The following EHMT1 variants were observed in gnomAD, a reference collection of about 807,000 sequenced individuals.
EHMT1 encodes the protein histone-lysine N-methyltransferase EHMT1.
A neutral mutation model predicts 147.2 loss-of-function variants in EHMT1; 15 were observed. The observed-to-expected ratio is 0.10, with a 90% CI of 0.07 to 0.16. The LOEUF is 0.16. Ranked by LOEUF, EHMT1 falls within the 10% of genes least tolerant of loss-of-function variation. The pLI is 1.00. For missense variants in EHMT1, 1,587 were observed against 1,772.4 expected (o/e 0.90, Z 1.88); for synonymous variants, 795 against 709.6 (o/e 1.12, Z -1.91).
chr9:137,704,130 A>G (rs559604038), intron 1 of EHMT1, among the ~76,000 whole-genome samples: 3 of 152,274 alleles, frequency 2.0e-5, no homozygotes, highest in South Asian at 4.1e-4. Context: ...AGCAAGGGGG[A>G]CATCTGCCCC....
chr9:137,769,892 A>C (rs112434846), intron 10 of EHMT1, among the ~76,000 whole-genome samples: 29 of 152,164 alleles, frequency 1.9e-4, no homozygotes, highest in African/African-American at 6.7e-4. Context: ...GCTGGAGTTC[A>C]GTGGCATGAA....
rs139616669 is a variant in EHMT1 at position 137,761,152 on chromosome 9, C to T, written c.1502-1523C>T. On this transcript the variant is annotated intron_variant, in intron 9 of 26. Transcript: ENST00000460843. Reference sequence around the variant, plus strand: ...CGAGGGGAAGGATTTTTAGGGTGAACGTGGGAGTAAAGCCAGGAAAACACC... The same window carrying T: ...CGAGGGGAAGGATTTTTAGGGTGAATGTGGGAGTAAAGCCAGGAAAACACC... Among the ~76,000 whole-genome samples, 31 of 152,296 alleles carry T rather than the reference C, an allele frequency of 2.0e-4. 1 individual carries two copies. The East Asian group carries it at 5.4e-3, about 27-fold the overall frequency.
chr9:137,636,089 T>G (rs1844054056), intron 1 of EHMT1, among the ~76,000 whole-genome samples: 1 of 151,710 alleles, frequency 6.6e-6, no homozygotes, highest in Non-Finnish European at 1.5e-5. Flanking sequence ...GCCTTGCTAA[T>G]TTTTGTATTT....
intron 9 of EHMT1, among the ~76,000 whole-genome samples, chr9:137,758,460 T>G (rs1949552443): frequency 6.6e-6 from 1 of 152,244 alleles, no homozygotes; most frequent in African/African-American, 2.4e-5. Flanking sequence ...TAGTGTATTT[T>G]TGTACCTCTA....
chr9:137,819,596 G>A (rs7031785), intron 25 of EHMT1, among the ~76,000 whole-genome samples: 2 of 116,696 alleles, frequency 1.7e-5, no homozygotes, highest in Non-Finnish European at 3.3e-5. Flanking sequence ...GCCGTGTACC[G>A]AGACTGTAGA....
At chr9:137,665,897 C>T (rs979101444) in intron 1 of EHMT1, 14 of 152,324 alleles carry the variant, frequency 9.2e-5, no homozygotes, top group Admixed American at 3.3e-4. Context: ...GCCTCCATTT[C>T]GTGAGATGGC....
chr9:137,682,350 A>G (rs1942035234), intron 1 of EHMT1, among the ~76,000 whole-genome samples: 1 of 152,156 alleles, frequency 6.6e-6, no homozygotes, highest in Non-Finnish European at 1.5e-5. Context: ...TTTTCCCCCC[A>G]GTACCAACCT....
chr9:137,648,491 C>CAAAA (rs397720797), intron 1 of EHMT1, among the ~76,000 whole-genome samples: 17,707 of 93,286 alleles, frequency 0.19, 1,481 homozygotes, highest in Admixed American at 0.32. Flanking sequence ...TCCTTCTCTC[C>CAAAA]AAAAAAAAAA....
At chr9:137,738,726 G>C (rs1052625654) in intron 4 of EHMT1, 3 of 152,202 alleles carry the variant, frequency 2.0e-5, no homozygotes, top group African/African-American at 4.8e-5. Flanking sequence ...AAGCAGCGAA[G>C]CTGGGGCCCG....
At chr9:137,818,177 T>C in intron 25 of EHMT1, 39 bp downstream of exon 25, 1 of 1,606,298 alleles carries the variant, frequency 6.2e-7, no homozygotes, top group East Asian at 2.2e-5. Flanking sequence ...GCAGAACTTG[T>C]GAACTGTAAA....
chr9:137,740,210 A>G (rs1387930578), intron 4 of EHMT1, among the ~76,000 whole-genome samples: 5 of 149,824 alleles, frequency 3.3e-5, no homozygotes, highest in South Asian at 2.1e-4. Context: ...TCCTGGCACT[A>G]TTTTTCCTGG....
intron 1 of EHMT1, among the ~76,000 whole-genome samples, chr9:137,672,740 C>G (rs1940825199): frequency 6.6e-6 from 1 of 152,128 alleles, no homozygotes; most frequent in South Asian, 2.1e-4. Context: ...TAGTCAACTC[C>G]TTAGGTTTAA....
At chr9:137,826,209 G>C (rs1955803646) in intron 25 of EHMT1, among the ~76,000 whole-genome samples, 1 of 152,170 alleles carries the variant, frequency 6.6e-6, no homozygotes, top group Non-Finnish European at 1.5e-5. Flanking sequence ...CATATCTCCT[G>C]CCCTGGTCTC....
intron 4 of EHMT1, among the ~76,000 whole-genome samples, chr9:137,733,235 C>T (rs949183620): frequency 1.3e-5 from 2 of 152,240 alleles, no homozygotes; most frequent in Admixed American, 6.5e-5. Flanking sequence ...GGATCTCAGG[C>T]ACCCAGCATT....
chr9:137,802,424 A>G (rs1235345089), intron 18 of EHMT1: 1 of 398,738 alleles, frequency 2.5e-6, no homozygotes, highest in Non-Finnish European at 4.4e-6. Context: ...TCCAGAGGCC[A>G]GAAATGGGAA....
chr9:137,647,114 T>C (rs995269164), intron 1 of EHMT1, among the ~76,000 whole-genome samples: 2 of 152,202 alleles, frequency 1.3e-5, no homozygotes. Flanking sequence ...TCCTGCCGCC[T>C]CCTTCTTCCC....
At chr9:137,701,889 G>A (rs1348135173) in intron 1 of EHMT1, among the ~76,000 whole-genome samples, 4 of 151,972 alleles carry the variant, frequency 2.6e-5, no homozygotes, top group Non-Finnish European at 5.9e-5. Context: ...TGCCTCCTGG[G>A]TTCAAGTGAT....
intron 4 of EHMT1, among the ~76,000 whole-genome samples, chr9:137,736,935 G>T (rs1339894247): frequency 1.3e-5 from 2 of 152,000 alleles, no homozygotes; most frequent in Admixed American, 1.3e-4. Context: ...GGGTGTGGTG[G>T]CTCAAGCCTG....
chr9:137,711,061 C>T (rs745885353), intron 2 of EHMT1, 31 bp downstream of exon 2: 2 of 1,566,956 alleles, frequency 1.3e-6, no homozygotes, highest in Non-Finnish European at 1.7e-6. Flanking sequence ...GGGACAGGAG[C>T]AGCGCCTCCC....
Sources: allele counts gnomAD v4.1 joint callset (sites outside exome capture counted in the v4.1 genomes callset), GRCh38; gene constraint gnomAD v4.1.1; transcripts MANE v1.5; gene names NCBI Gene and HGNC (gene_info 2026-07-23, HGNC 2026-07-21).